The following SP140 variants were observed in gnomAD, a reference collection of about 807,000 sequenced individuals.
SP140 encodes the protein nuclear body protein SP140.
Under a neutral mutation model 125.0 loss-of-function variants are expected in SP140, and 81 were observed. That is an observed-to-expected ratio of 0.65 (90% CI 0.54 to 0.78). The LOEUF is 0.78. Among genes scored for constraint, SP140 ranks in the 30% least tolerant of loss-of-function variants. SP140 has a pLI of 0.00. For missense variants in SP140, 858 were observed against 1,037.0 expected, an observed-to-expected ratio of 0.83 and a Z score of 2.37; for synonymous variants, 312 against 354.0, an observed-to-expected ratio of 0.88 and a Z score of 1.33.
At chr2:230,263,131 T>C (rs1335708531) in intron 12 of SP140, among the ~76,000 whole-genome samples, 2 of 152,212 alleles carry the variant, frequency 1.3e-5, no homozygotes, top group African/African-American at 4.8e-5. Flanking sequence ...TTTATAAATT[T>C]GGGAGCCCCA....
At chr2:230,275,820 A>G (rs1296303793) in intron 15 of SP140, among the ~76,000 whole-genome samples, 1 of 152,218 alleles carries the variant, frequency 6.6e-6, no homozygotes, top group Non-Finnish European at 1.5e-5. Flanking sequence ...CATACGAATA[A>G]TAAGAAAGTA....
chr2:230,313,811 G>A (rs965925803), downstream of SP140, among the ~76,000 whole-genome samples: 2 of 152,202 alleles, frequency 1.3e-5, no homozygotes, highest in African/African-American at 2.4e-5. Context: ...ATTTTCACCT[G>A]TAGTAAATTG....
the SP140 span, among the ~76,000 whole-genome samples, chr2:230,194,560 A>G: frequency 5.4e-3 from 822 of 152,326 alleles, 3 homozygotes; most frequent in African/African-American, 0.019. Flanking sequence ...AGAAAAATGC[A>G]GCTTTTTTGT....
Position 230,313,097 on chromosome 2 carries a change from A to G in SP140, c.*413A>G, listed in dbSNP as rs1027413720. On this transcript the variant is annotated 3_prime_UTR_variant, in exon 27 of 27. Coordinates refer to ENST00000392045, the MANE Select transcript of SP140 (RefSeq NM_007237.5). ...ACCTCCATGCAGAAGCCCTAAGCCCACATTCTTTCGATAGCTCACGGTGGT... is the reference window on the plus strand; with the variant it reads ...ACCTCCATGCAGAAGCCCTAAGCCCGCATTCTTTCGATAGCTCACGGTGGT... The G allele has an allele frequency of 1.1e-5, 2 of 182,638 alleles. No homozygotes were observed. The highest frequency in any genetic ancestry group is 2.4e-5 in the African/African-American group (1 of 41,086). 11.3% of individuals were successfully genotyped at this position (182,638 alleles called of 1,614,324 possible). A position where few individuals can be genotyped will look rare whatever the true frequency, so the allele number is the denominator to read the frequency against.
intron 1 of SP140, among the ~76,000 whole-genome samples, chr2:230,210,441 G>T (rs1472829654): frequency 6.6e-6 from 1 of 152,218 alleles, no homozygotes; most frequent in Non-Finnish European, 1.5e-5. Context: ...TGATGAAGGG[G>T]AATGTCTTTG....
intron 15 of SP140, among the ~76,000 whole-genome samples, chr2:230,280,395 TTA>T (rs1246459513): frequency 2.0e-5 from 3 of 152,204 alleles, no homozygotes; most frequent in Admixed American, 1.3e-4. Context: ...CAGTTTTCTT[TTA>T]TGTCTCTTGT....
chr2:230,243,889 AT>A, intron 5 of SP140, 78 bp downstream of exon 5: 2 of 995,082 alleles, frequency 2.0e-6, no homozygotes, highest in Non-Finnish European at 3.2e-6. Context: ...TTCCTAATGC[AT>A]TTTACTCTGA....
chr2:230,298,877 C>A (rs1020840321), intron 22 of SP140, among the ~76,000 whole-genome samples: 1 of 152,216 alleles, frequency 6.6e-6, no homozygotes, highest in Non-Finnish European at 1.5e-5. Context: ...ATTGCCTATT[C>A]TGTCACCTAA....
chr2:230,242,955 T>C (rs1337562865), intron 4 of SP140, among the ~76,000 whole-genome samples: 1 of 152,170 alleles, frequency 6.6e-6, no homozygotes, highest in Non-Finnish European at 1.5e-5. Flanking sequence ...ATGGGATATT[T>C]TAAAGTGCAC....
intron 22 of SP140, among the ~76,000 whole-genome samples, chr2:230,308,671 G>C (rs2149609226): frequency 6.6e-6 from 1 of 152,346 alleles, no homozygotes. Context: ...TGATTGGCTT[G>C]TTTGAATAAT....
upstream of SP140, among the ~76,000 whole-genome samples, chr2:230,224,051 T>A (rs952314816): frequency 6.6e-6 from 1 of 152,088 alleles, no homozygotes; most frequent in Non-Finnish European, 1.5e-5. Context: ...GTAGTGAGCA[T>A]AGGGAAAAAC....
At chr2:230,229,271 T>G (rs1202723868) in intron 1 of SP140, among the ~76,000 whole-genome samples, 2 of 151,840 alleles carry the variant, frequency 1.3e-5, no homozygotes, top group Non-Finnish European at 2.9e-5. Flanking sequence ...TTATGTCCCA[T>G]AACCACTCAA....
At chr2:230,304,327 C>A (rs2058562899) in intron 22 of SP140, among the ~76,000 whole-genome samples, 1 of 152,068 alleles carries the variant, frequency 6.6e-6, no homozygotes, top group African/African-American at 2.4e-5. Flanking sequence ...GATCATATGG[C>A]CAATAGCAAT....
downstream of SP140, among the ~76,000 whole-genome samples, chr2:230,315,958 A>G (rs1014115886): frequency 6.6e-6 from 1 of 152,236 alleles, no homozygotes; most frequent in African/African-American, 2.4e-5. Flanking sequence ...AACTATTAAT[A>G]TGGAAATGCC....
At chr2:230,255,405 G>A (rs752220569) in intron 11 of SP140, 47 bp from the exon 12 acceptor site, 39 of 1,599,076 alleles carry the variant, frequency 2.4e-5, no homozygotes, top group Non-Finnish European at 3.3e-5. Context: ...ATGATTTTTT[G>A]TTGGTTGTAT....
At position 230,312,853 on chromosome 2, in the gene SP140, C is replaced by A; in HGVS notation, c.*169C>A. On this transcript the variant is annotated 3_prime_UTR_variant, in exon 27 of 27. Transcript: ENST00000392045. Reference sequence around the variant, plus strand: ...ACAAATCCTCAAAAGGAAATTCAATCATCATGAATCACAACCCCAAGTATC... The same window carrying A: ...ACAAATCCTCAAAAGGAAATTCAATAATCATGAATCACAACCCCAAGTATC... The A allele has an allele frequency of 1.8e-6, 1 of 542,076 alleles. No homozygotes were observed. The highest frequency in any genetic ancestry group is 3.3e-6 in the Non-Finnish European group (1 of 300,644). The allele number at this position is 542,076 out of a possible 1,614,324, so 33.6% of individuals were successfully genotyped here. A position where few individuals can be genotyped will look rare whatever the true frequency, so the allele number is the denominator to read the frequency against.
At chr2:230,251,595 A>C (rs972675779) in intron 10 of SP140, among the ~76,000 whole-genome samples, 5 of 152,240 alleles carry the variant, frequency 3.3e-5, no homozygotes, top group African/African-American at 1.2e-4. Context: ...GGAATGAAAA[A>C]GCTTATCATC....
intron 4 of SP140, among the ~76,000 whole-genome samples, chr2:230,243,406 A>G (rs566906340): frequency 5.3e-5 from 8 of 152,238 alleles, no homozygotes; most frequent in Non-Finnish European, 1.0e-4. Flanking sequence ...AAATGCATCT[A>G]GGAAAGAGAG....
At chr2:230,271,437 A>G (rs1429773692) in intron 15 of SP140, among the ~76,000 whole-genome samples, 1 of 152,190 alleles carries the variant, frequency 6.6e-6, no homozygotes, top group Non-Finnish European at 1.5e-5. Flanking sequence ...GAAAGCCTAT[A>G]TTGCGTTAGA....
Sources: allele counts gnomAD v4.1 joint callset (sites outside exome capture counted in the v4.1 genomes callset), GRCh38; gene constraint gnomAD v4.1.1; transcripts MANE v1.5; gene names NCBI Gene and HGNC (gene_info 2026-07-23, HGNC 2026-07-21).